Variants in ANKS1A observed in about 807,000 individuals in gnomAD.
ANKS1A encodes the protein ankyrin repeat and sterile alpha motif domain containing 1A.
ANKS1A carries 55 observed loss-of-function variants against 120.3 expected under a neutral mutation model. The ratio of observed to expected loss-of-function variants is 0.46; its 90% CI spans 0.37 to 0.57. The LOEUF is 0.57. Ranked by LOEUF, ANKS1A falls within the 20% of genes least tolerant of loss-of-function variation. The pLI is 0.00. For synonymous variants in ANKS1A, 590 were observed against 604.7 expected, an observed-to-expected ratio of 0.98 and a Z score of 0.36; for missense variants, 1,123 against 1,480.3, an observed-to-expected ratio of 0.76 and a Z score of 3.96.
chr6:34,919,256 C>G (rs1228615832), intron 1 of ANKS1A, among the ~76,000 whole-genome samples: 1 of 152,138 alleles, frequency 6.6e-6, no homozygotes, highest in Non-Finnish European at 1.5e-5. Flanking sequence ...TGTGAAGGTT[C>G]CCCCAGGAGA....
At chr6:35,078,167 C>T (rs1777464920) in intron 13 of ANKS1A, among the ~76,000 whole-genome samples, 1 of 152,192 alleles carries the variant, frequency 6.6e-6, no homozygotes, top group African/African-American at 2.4e-5. Flanking sequence ...GTTGTTACAA[C>T]CTTAGAATTA....
Position 34,985,113 on chromosome 6 carries a change from T to C in ANKS1A, c.1044T>C (p.Ile348=), listed in dbSNP as rs943530679. The part of the protein sequence containing the change: ...GDVEKAVTEL[I]IDFDANAEEE... ...TGGAGAAAGCAGTGACTGAACTGAT[T>C]ATAGATTTTGATGCAAATGCTGAAG... The change falls in exon 8 of 24, where the codon ATT becomes ATC. Residue 348 remains isoleucine, a synonymous_variant. Coordinates refer to ENST00000360359, the MANE Select transcript of ANKS1A (RefSeq NM_015245.3). The C allele has an allele frequency of 2.5e-6, 4 of 1,613,968 alleles. No individual in the cohort carries two copies. In the African/African-American group the frequency reaches 5.3e-5, roughly 22 times the overall value.
rs1467785995 is a variant in ANKS1A, at chr6:35,058,275, T to C, written c.2078-1872T>C. 6.6e-6 allele frequency: 1 copy of C among 152,184 alleles called. No individual in the cohort carries two copies. Among genetic ancestry groups the C allele is most frequent in the African/African-American group, 2.4e-5 (1 of 41,406 alleles). 9.4% of individuals were successfully genotyped at this position (152,184 alleles called of 1,614,324 possible). A position where few individuals can be genotyped will look rare whatever the true frequency, so the allele number is the denominator to read the frequency against. On this transcript the variant is annotated intron_variant, in intron 12 of 23. Coordinates refer to ENST00000360359, the MANE Select transcript of ANKS1A (RefSeq NM_015245.3). This position sits in a 1 kb window ranked among gnomAD's most constrained non-coding sequence, Gnocchi z 5.1. ...TTTAGACAAAGCATTCTGCTGCGGCTCTGTCAGCGCGCACATCCACCGGCA... is the reference window on the plus strand; with the variant it reads ...TTTAGACAAAGCATTCTGCTGCGGCCCTGTCAGCGCGCACATCCACCGGCA...
chr6:34,968,866 T>C (rs991319977), intron 2 of ANKS1A, among the ~76,000 whole-genome samples: 14 of 152,290 alleles, frequency 9.2e-5, no homozygotes, highest in African/African-American at 3.4e-4. Context: ...CCTAATTGAC[T>C]CCAACATACC....
chr6:35,029,916 G>T (rs1407539212), intron 11 of ANKS1A, among the ~76,000 whole-genome samples: 1 of 151,232 alleles, frequency 6.6e-6, no homozygotes, highest in Non-Finnish European at 1.5e-5. Flanking sequence ...CATTTTTCAG[G>T]TATAAATCTT....
chr6:35,091,243 C>G lies in ANKS1A; in HGVS notation c.*2634C>G. The G allele has an allele frequency of 1.0e-6, 1 of 985,896 alleles. No individual in the cohort carries two copies. The highest frequency in any genetic ancestry group is 1.2e-6 in the Non-Finnish European group (1 of 829,954). 61.1% of individuals were successfully genotyped at this position (985,896 alleles called of 1,614,324 possible). On this transcript the variant is annotated 3_prime_UTR_variant, in exon 24 of 24. Transcript: ENST00000360359. ...TCTGATTTTGTCTGAATTATAAACA[C>G]TTTGAGGTACCAAACATAACCAATC...
chr6:35,061,311 C>G (rs1369172286), intron 13 of ANKS1A, among the ~76,000 whole-genome samples: 1 of 152,196 alleles, frequency 6.6e-6, no homozygotes, highest in Non-Finnish European at 1.5e-5. Context: ...GGGGGCGTGG[C>G]CACCTATGTG....
chr6:35,097,467 C>T, the ANKS1A span, among the ~76,000 whole-genome samples: 1 of 151,680 alleles, frequency 6.6e-6, no homozygotes, highest in East Asian at 1.9e-4. Flanking sequence ...TGAGATCATG[C>T]CACTGCACTC....
At chr6:35,076,441 C>T (rs992140884) in intron 13 of ANKS1A, among the ~76,000 whole-genome samples, 3 of 152,152 alleles carry the variant, frequency 2.0e-5, no homozygotes, top group Admixed American at 1.3e-4. Context: ...GGCTATAAGC[C>T]AGTTAACTCA....
In ANKS1A at chr6:35,086,192, C is replaced by T. The variant is rs189696462; in HGVS notation, c.3303+256C>T. 520 of 1,304,920 alleles carry T rather than the reference C, an allele frequency of 4.0e-4. 1 individual carries two copies. In the Middle Eastern group the frequency reaches 4.5e-3, roughly 11 times the overall value. 80.8% of individuals were successfully genotyped at this position (1,304,920 alleles called of 1,614,324 possible). ...CCCCAAGGGCAAGGCCGTCAAGGGG[C>T]TGCAGAGAGCGGCCTGCAGGCAGCC... On this transcript the variant is annotated intron_variant, in intron 22 of 23. Transcript: ENST00000360359. The surrounding 1 kb of genome is among the most constrained non-coding windows in gnomAD (Gnocchi z 5.1).
intron 1 of ANKS1A, among the ~76,000 whole-genome samples, chr6:34,930,479 G>A (rs1290242810): frequency 6.6e-6 from 1 of 152,154 alleles, no homozygotes; most frequent in Non-Finnish European, 1.5e-5. Flanking sequence ...TGTGTGACCT[G>A]GGCAAGCTGT....
chr6:35,076,193 A>T (rs910293245), intron 13 of ANKS1A, among the ~76,000 whole-genome samples: 1 of 152,158 alleles, frequency 6.6e-6, no homozygotes, highest in Non-Finnish European at 1.5e-5. Flanking sequence ...GGAGGCCGAG[A>T]TGGGCGGATC....
At chr6:34,998,833 A>G (rs923068116) in intron 10 of ANKS1A, among the ~76,000 whole-genome samples, 16 of 152,278 alleles carry the variant, frequency 1.1e-4, no homozygotes, top group African/African-American at 3.4e-4. Flanking sequence ...TTGTCCTGCT[A>G]CATTTCTTGG....
At position 35,086,152 on chromosome 6, in the gene ANKS1A, T is replaced by G. The variant is rs1044709719; in HGVS notation, c.3303+216T>G. On this transcript the variant is annotated intron_variant, in intron 22 of 23. Coordinates refer to ENST00000360359, the MANE Select transcript of ANKS1A (RefSeq NM_015245.3). The surrounding 1 kb of genome is among the most constrained non-coding windows in gnomAD (Gnocchi z 5.1). ...CGGGCCTCTCATGCTCCTGTTTCCC[T>G]CCCTCGCTGGGCTCCCCCAAGGGCA... The G allele has an allele frequency of 8.4e-7, 1 of 1,190,116 alleles. No individual in the cohort carries two copies. The highest frequency in any genetic ancestry group is 1.2e-6 in the Non-Finnish European group (1 of 864,726). 73.7% of individuals were successfully genotyped at this position (1,190,116 alleles called of 1,614,324 possible).
At chr6:34,891,913 C>T (rs555843662) in intron 1 of ANKS1A, among the ~76,000 whole-genome samples, 2 of 152,370 alleles carry the variant, frequency 1.3e-5, no homozygotes, top group East Asian at 3.9e-4. Context: ...AGGCGTGAGC[C>T]ACCTTGCCCG....
intron 1 of ANKS1A, among the ~76,000 whole-genome samples, chr6:34,923,120 G>A (rs9296140): frequency 0.098 from 14,934 of 152,208 alleles, 1,601 homozygotes; most frequent in African/African-American, 0.27. Context: ...TTGCCCAACC[G>A]TACTGAGGGC....
chr6:35,008,816 A>G (rs970458238), intron 10 of ANKS1A, among the ~76,000 whole-genome samples: 1 of 152,240 alleles, frequency 6.6e-6, no homozygotes, highest in Non-Finnish European at 1.5e-5. Context: ...ATGTCAGTGT[A>G]AGAGATCATG....
At chr6:34,974,091 C>A (rs1359669781) in intron 3 of ANKS1A, among the ~76,000 whole-genome samples, 1 of 12,150 alleles carries the variant, frequency 8.2e-5, no homozygotes, top group Non-Finnish European at 1.4e-4. Flanking sequence ...TTCCCCTTCC[C>A]TTCCCCTTCC....
chr6:34,974,794 C>T lies in ANKS1A; in HGVS notation c.435+4628C>T, dbSNP rs974344315. ...TATATAAAGTAAAAATATCTGGTAA[C>T]TAGTAATATTTGAGATACTAATTTT... On this transcript the variant is annotated intron_variant, in intron 3 of 23. Coordinates refer to ENST00000360359, the MANE Select transcript of ANKS1A (RefSeq NM_015245.3). Among the ~76,000 whole-genome samples, 184 of 152,186 alleles carry T rather than the reference C, an allele frequency of 1.2e-3. 1 individual carries two copies. Among genetic ancestry groups the T allele is most frequent in the Middle Eastern group, 6.8e-3 (2 of 294 alleles).
Sources: allele counts gnomAD v4.1 joint callset (sites outside exome capture counted in the v4.1 genomes callset), GRCh38; gene constraint gnomAD v4.1.1; non-coding constraint Gnocchi (gnomAD v3.1); transcripts MANE v1.5; gene names NCBI Gene and HGNC (gene_info 2026-07-23, HGNC 2026-07-21).